Variants in NAV3 observed in about 807,000 individuals in gnomAD.
NAV3 encodes the protein neuron navigator 3, also known as pore membrane and/or filament interacting like protein 1.
NAV3 carries 87 observed loss-of-function variants against 244.7 expected under a neutral mutation model. The observed-to-expected ratio is 0.36, with a 90% CI of 0.30 to 0.42. The LOEUF is 0.42. Among genes scored for constraint, NAV3 ranks in the 20% least tolerant of loss-of-function variants. The pLI, the probability that NAV3 is intolerant of heterozygous loss-of-function variation, is 1.00. For missense variants in NAV3, 2,663 were observed against 2,893.3 expected, an observed-to-expected ratio of 0.92 and a Z score of 1.83; for synonymous variants, 1,126 against 1,042.2, an observed-to-expected ratio of 1.08 and a Z score of -1.55.
intron 24 of NAV3, among the ~76,000 whole-genome samples, chr12:78,173,017 G>A (rs1033638453): frequency 1.3e-5 from 2 of 151,554 alleles, no homozygotes; most frequent in Non-Finnish European, 3.0e-5. Flanking sequence ...CTGGGGCAGT[G>A]GTGACACAGA....
At chr12:77,659,248 C>T (rs1292586100) in intron 2 of NAV3, among the ~76,000 whole-genome samples, 2 of 151,300 alleles carry the variant, frequency 1.3e-5, no homozygotes, top group Non-Finnish European at 2.9e-5. Context: ...ACAATGAATT[C>T]AAAGAAATTT....
chr12:77,777,841 C>G (rs1351227723), intron 2 of NAV3, among the ~76,000 whole-genome samples: 1 of 150,390 alleles, frequency 6.6e-6, no homozygotes, highest in Admixed American at 6.6e-5. Context: ...GAGTCTTGCT[C>G]TGTCACCAGG....
At chr12:77,675,107 A>G (rs1874148857) in intron 2 of NAV3, among the ~76,000 whole-genome samples, 1 of 152,222 alleles carries the variant, frequency 6.6e-6, no homozygotes, top group Non-Finnish European at 1.5e-5. Flanking sequence ...CACAGGGCTT[A>G]TTTACACATA....
chr12:78,102,560 C>G (rs372019269), intron 12 of NAV3, among the ~76,000 whole-genome samples: 2 of 152,192 alleles, frequency 1.3e-5, no homozygotes, highest in Non-Finnish European at 1.5e-5. Flanking sequence ...TCCACTAGGC[C>G]GTGCTCCAGT....
chr12:77,938,996 C>T (rs1411774993), intron 1 of NAV3, among the ~76,000 whole-genome samples: 2 of 149,544 alleles, frequency 1.3e-5, no homozygotes, highest in Non-Finnish European at 3.0e-5. Flanking sequence ...GGTGTAGATA[C>T]ATCAATTCTG....
chr12:77,619,140 A>G (rs372420882), intron 2 of NAV3, among the ~76,000 whole-genome samples: 125 of 152,318 alleles, frequency 8.2e-4, no homozygotes, highest in African/African-American at 2.7e-3. Context: ...ATAGTTTGTC[A>G]TATTTTGAAA....
chr12:77,662,089 C>T lies in NAV3; in HGVS notation c.72+89823C>T, dbSNP rs115420162. On this transcript the variant is annotated intron_variant, in intron 2 of 8. Transcript: ENST00000550042. ...TTATTAATTTTTACAATAATTTTTG[C>T]TGGGATTTTGACAGAGATTCTGTTG... Among the ~76,000 whole-genome samples the T allele has an allele frequency of 4.7e-3, 710 of 151,884 alleles. 6 individuals are homozygous for T. The highest frequency in any genetic ancestry group is 0.017 in the African/African-American group (690 of 41,482).
chr12:77,736,989 A>G (rs762796283), intron 2 of NAV3, among the ~76,000 whole-genome samples: 2 of 152,030 alleles, frequency 1.3e-5, no homozygotes, highest in East Asian at 1.9e-4. Flanking sequence ...CTAGGTTACT[A>G]TTTTCCCCCT....
chr12:78,183,882 C>T (rs1958600754), intron 30 of NAV3, among the ~76,000 whole-genome samples: 1 of 151,892 alleles, frequency 6.6e-6, no homozygotes, highest in Admixed American at 6.6e-5. Context: ...CTCTACATTC[C>T]TGCTACCCTA....
chr12:78,186,117 A>ACATGTTCT (rs1188107220), intron 31 of NAV3, among the ~76,000 whole-genome samples: 2 of 151,966 alleles, frequency 1.3e-5, no homozygotes, highest in East Asian at 3.9e-4. Context: ...TCAGAAAGAC[A>ACATGTTCT]CATGTTCTAC....
At chr12:77,952,319 G>A (rs922054727) in intron 3 of NAV3, among the ~76,000 whole-genome samples, 1 of 152,080 alleles carries the variant, frequency 6.6e-6, no homozygotes, top group Admixed American at 6.6e-5. Flanking sequence ...GCATGTAGAT[G>A]TCCAGCTCGT....
rs1006201699 is a variant in NAV3 at position 77,590,233 on chromosome 12, G to A, written c.72+17967G>A. On this transcript the variant is annotated intron_variant, in intron 2 of 8. Transcript: ENST00000550042. ...ATTTAGGATGACAGAACTTGGATGG[G>A]TGGAGGACAGAGCTATGGATGATTC... 2.0e-5 allele frequency among the ~76,000 whole-genome samples: 3 copies of A among 152,266 alleles called. No homozygotes were observed. In the East Asian group the frequency reaches 5.8e-4, roughly 29 times the overall value.
chr12:77,719,156 C>T (rs192713599), intron 2 of NAV3, among the ~76,000 whole-genome samples: 44 of 152,262 alleles, frequency 2.9e-4, no homozygotes, highest in Admixed American at 2.4e-3. Flanking sequence ...CTAATTTTTG[C>T]ATGCTGACTC....
intron 38 of NAV3, among the ~76,000 whole-genome samples, chr12:78,203,085 T>C (rs1288808263): frequency 6.6e-6 from 1 of 152,134 alleles, no homozygotes; most frequent in Non-Finnish European, 1.5e-5. Flanking sequence ...CAATGGATTT[T>C]GATTTTTTTC....
At chr12:77,641,738 A>G (rs1201704471) in intron 2 of NAV3, among the ~76,000 whole-genome samples, 1 of 152,116 alleles carries the variant, frequency 6.6e-6, no homozygotes, top group African/African-American at 2.4e-5. Context: ...CAACACATAT[A>G]TGATCTATAG....
chr12:77,765,688 A>T (rs1869713537), intron 2 of NAV3, among the ~76,000 whole-genome samples: 1 of 152,210 alleles, frequency 6.6e-6, no homozygotes. Context: ...GTGAGAACTG[A>T]GAATGGAAAA....
intron 3 of NAV3, chr12:77,947,673 G>A (rs545281971): frequency 6.6e-6 from 1 of 151,846 alleles, no homozygotes; most frequent in Non-Finnish European, 1.5e-5. Context: ...GTAGAGTTCT[G>A]ATCTATAAAG....
At chr12:78,186,546 A>G (rs1958727919) in intron 31 of NAV3, among the ~76,000 whole-genome samples, 1 of 151,896 alleles carries the variant, frequency 6.6e-6, no homozygotes, top group Non-Finnish European at 1.5e-5. Flanking sequence ...ACTCTTAGTG[A>G]AACATAAACT....
chr12:77,755,652 T>TCCTTCCTTCCTTCCTTCCTTCCTC (rs1268788080), intron 2 of NAV3, among the ~76,000 whole-genome samples: 1 of 59,552 alleles, frequency 1.7e-5, no homozygotes, highest in African/African-American at 8.7e-5. Flanking sequence ...CTTCCTTCCT[T>TCCTTCCTTCCTTCCTTCCTTCCTC]CCTTCCACTC....
Sources: gnomAD v4.1 joint callset for allele counts (sites outside exome capture counted in the v4.1 genomes callset) on GRCh38, gnomAD v4.1.1 for gene constraint, MANE v1.5 for transcripts, NCBI Gene and HGNC (gene_info 2026-07-23, HGNC 2026-07-21) for gene names.